The following OPA1 variants were observed in gnomAD, a reference collection of about 807,000 sequenced individuals.
OPA1 encodes OPA1 mitochondrial dynamin like GTPase.
Under a neutral mutation model 152.9 loss-of-function variants are expected in OPA1, and 59 were observed. The observed-to-expected ratio is 0.39, with a 90% confidence interval of 0.31 to 0.48. OPA1 has a LOEUF of 0.48. Ranked by LOEUF, OPA1 falls within the 20% of genes least tolerant of loss-of-function variation. OPA1 has a pLI of 0.96. For synonymous variants in OPA1, 400 were observed against 389.9 expected, an observed-to-expected ratio of 1.03 and a Z score of -0.31; for missense variants, 1,008 against 1,216.8, an observed-to-expected ratio of 0.83 and a Z score of 2.55.
At chr3:193,615,842 T>G (rs1431094170) in intron 3 of OPA1, 72 bp downstream of exon 3, 1 of 887,072 alleles carries the variant, frequency 1.1e-6, no homozygotes, top group Non-Finnish European at 1.9e-6. Flanking sequence ...TTGAGATAGT[T>G]TCTTAACTTA....
chr3:193,613,381 G>A (rs1728543655), intron 1 of OPA1, among the ~76,000 whole-genome samples: 2 of 152,100 alleles, frequency 1.3e-5, no homozygotes, highest in South Asian at 4.2e-4. Context: ...TGTAAAATAA[G>A]GATACTTAAC....
chr3:193,621,526 G>T lies in OPA1; in HGVS notation c.678+2590G>T, dbSNP rs955034411. Among the ~76,000 whole-genome samples, 21 of 152,076 alleles carry T rather than the reference G, an allele frequency of 1.4e-4. 1 individual carries two copies. Among genetic ancestry groups the T allele is most frequent in the East Asian group, 9.6e-4 (5 of 5,194 alleles). On this transcript the variant is annotated intron_variant, in intron 6 of 30. Transcript: ENST00000361510. ...CTAACGAATTAATCAAGTTTCTTTG[G>T]TTTGGCCTGGATTTATATCCATTCA... is the stretch of plus-strand genomic sequence containing the variant.
chr3:193,639,846 A>G (rs896454847), intron 11 of OPA1, among the ~76,000 whole-genome samples: 5 of 152,182 alleles, frequency 3.3e-5, no homozygotes, highest in African/African-American at 1.2e-4. Flanking sequence ...TAAGAAATGG[A>G]TAGATTATAA....
chr3:193,664,745 A>G (rs1331745565), intron 26 of OPA1, 135 bp from the exon 27 acceptor site: 1 of 630,064 alleles, frequency 1.6e-6, no homozygotes, highest in Non-Finnish European at 2.8e-6. Flanking sequence ...AATTTGAATA[A>G]CTATGTAAAG....
intron 1 of OPA1, among the ~76,000 whole-genome samples, chr3:193,594,400 T>G (rs1725172411): frequency 1.3e-5 from 2 of 152,252 alleles, no homozygotes; most frequent in Non-Finnish European, 2.9e-5. Flanking sequence ...GTTTTTGTTT[T>G]GTTTTGAGAC....
chr3:193,675,680 A>G (rs969344298), intron 29 of OPA1, among the ~76,000 whole-genome samples: 2 of 152,308 alleles, frequency 1.3e-5, no homozygotes, highest in Non-Finnish European at 2.9e-5. Context: ...GCTTCTCACT[A>G]TAGGCAACTG....
intron 26 of OPA1, among the ~76,000 whole-genome samples, chr3:193,663,765 A>T (rs962329463): frequency 6.6e-6 from 1 of 152,132 alleles, no homozygotes; most frequent in South Asian, 2.1e-4. Flanking sequence ...ATTCCACCAC[A>T]GGTCAGAACA....
At chr3:193,675,557 T>A (rs1718826050) in intron 29 of OPA1, among the ~76,000 whole-genome samples, 2 of 152,078 alleles carry the variant, frequency 1.3e-5, no homozygotes, top group Admixed American at 1.3e-4. Context: ...TTCTATATCA[T>A]CATCACTTCA....
chr3:193,640,364 A>C (rs576253380), intron 11 of OPA1, among the ~76,000 whole-genome samples: 1 of 152,346 alleles, frequency 6.6e-6, no homozygotes, highest in South Asian at 2.1e-4. Context: ...GCGCAAAGTC[A>C]GGTAAACAAA....
intron 10 of OPA1, 88 bp from the exon 11 acceptor site, chr3:193,637,864 A>G (rs939982107): frequency 1.8e-6 from 2 of 1,109,406 alleles, no homozygotes; most frequent in East Asian, 2.5e-5. Context: ...TTAAAAGACT[A>G]AAAAACTCAG....
intron 11 of OPA1, among the ~76,000 whole-genome samples, chr3:193,639,330 A>G (rs1412128313): frequency 1.3e-5 from 2 of 152,240 alleles, no homozygotes; most frequent in African/African-American, 4.8e-5. Flanking sequence ...TTAGAAGGCA[A>G]TAGTGTTGTA....
chr3:193,678,254 C>A (rs1313781271), intron 29 of OPA1, among the ~76,000 whole-genome samples: 3 of 151,810 alleles, frequency 2.0e-5, no homozygotes, highest in African/African-American at 7.3e-5. Flanking sequence ...TAGACTGTGT[C>A]ATATATACAG....
At position 193,593,340 on chromosome 3, in the gene OPA1, G is replaced by T; in HGVS notation, c.-38G>T. ...GGGGCTCACACGGGGGCTCCCGCGT[G>T]GCCGTCTCGGCGCCTGCGTGACCTC... On this transcript the variant is annotated 5_prime_UTR_variant, in exon 1 of 31. Coordinates refer to ENST00000361510, the MANE Select transcript of OPA1 (RefSeq NM_130837.3). 1 of 1,538,698 alleles carries T rather than the reference G, an allele frequency of 6.5e-7. No homozygotes were observed.
chr3:193,696,661 C>G lies in OPA1; in HGVS notation c.*2061C>G, dbSNP rs1722273594. ...TGTCTTGTGTCTGTAGTTCAAAAGTCAGAAATGATTCTAATTTAAACAAAA... is the reference window on the plus strand; with the variant it reads ...TGTCTTGTGTCTGTAGTTCAAAAGTGAGAAATGATTCTAATTTAAACAAAA... On this transcript the variant is annotated 3_prime_UTR_variant, in exon 31 of 31. Coordinates refer to ENST00000361510, the MANE Select transcript of OPA1 (RefSeq NM_130837.3). 1 of 152,132 alleles carries G rather than the reference C, an allele frequency of 6.6e-6. No individual in the cohort carries two copies. The highest frequency in any genetic ancestry group is 2.4e-5 in the African/African-American group (1 of 41,414). 9.4% of individuals were successfully genotyped at this position (152,132 alleles called of 1,614,324 possible).
At chr3:193,652,480 G>C (rs1712753113) in intron 21 of OPA1, among the ~76,000 whole-genome samples, 1 of 152,078 alleles carries the variant, frequency 6.6e-6, no homozygotes, top group Non-Finnish European at 1.5e-5. Context: ...ATAACTAGAT[G>C]AAGTGGCTTC....
intron 6 of OPA1, among the ~76,000 whole-genome samples, chr3:193,621,415 TGG>T (rs1730052255): frequency 6.6e-6 from 1 of 152,186 alleles, no homozygotes; most frequent in African/African-American, 2.4e-5. Context: ...GGGTTACTAC[TGG>T]AGTTTTAGGT....
rs1722133462 is a variant in OPA1, at chr3:193,695,033, T to G, written c.*433T>G. On this transcript the variant is annotated 3_prime_UTR_variant, in exon 31 of 31. Coordinates refer to ENST00000361510, the MANE Select transcript of OPA1 (RefSeq NM_130837.3). ...CAATTGTTTAAAGTTATCAATTGTA[T>G]ATAAAATCACAGTAGCCTGCTAAAT... 6.6e-6 allele frequency: 1 copy of G among 152,258 alleles called. No individual in the cohort carries two copies. The highest frequency in any genetic ancestry group is 1.5e-5 in the Non-Finnish European group (1 of 68,042). The allele number at this position is 152,258 out of a possible 1,614,324, so 9.4% of individuals were successfully genotyped here.
At chr3:193,673,874 C>A (rs1056613017) in intron 29 of OPA1, among the ~76,000 whole-genome samples, 8 of 152,180 alleles carry the variant, frequency 5.3e-5, no homozygotes, top group Non-Finnish European at 1.0e-4. Flanking sequence ...AGTTTGATAT[C>A]CTTAATGTTA....
chr3:193,685,558 C>T (rs984074004), intron 29 of OPA1, among the ~76,000 whole-genome samples: 2 of 151,960 alleles, frequency 1.3e-5, no homozygotes, highest in African/African-American at 4.8e-5. Context: ...TATGCTGGGC[C>T]GAGTGATTTT....
Sources: gnomAD v4.1 joint callset for allele counts (sites outside exome capture counted in the v4.1 genomes callset) on GRCh38, gnomAD v4.1.1 for gene constraint, MANE v1.5 for transcripts, NCBI Gene and HGNC (gene_info 2026-07-23, HGNC 2026-07-21) for gene names.